The following THADA variants were observed in gnomAD, a reference collection of about 807,000 sequenced individuals.
THADA encodes the protein tRNA (32-2'-O)-methyltransferase regulator THADA.
A neutral mutation model predicts 219.8 loss-of-function variants in THADA; 213 were observed. That is an observed-to-expected ratio of 0.97 (90% CI 0.87 to 1.09). The LOEUF is 1.09. Ranked by LOEUF, THADA falls within the 50% of genes least tolerant of loss-of-function variation. The pLI is 0.00. For synonymous variants in THADA, 1,018 were observed against 828.9 expected (o/e 1.23, Z -3.92); for missense variants, 2,956 against 2,311.3 (o/e 1.28, Z -5.72).
intron 29 of THADA, among the ~76,000 whole-genome samples, chr2:43,354,322 T>C (rs922539527): frequency 2.6e-5 from 4 of 152,114 alleles, no homozygotes; most frequent in South Asian, 2.1e-4. Context: ...TATTTTGATA[T>C]AGGCATACGA....
At chr2:43,564,075 CCA>C (rs1179039659) in intron 15 of THADA, 1 of 152,132 alleles carries the variant, frequency 6.6e-6, no homozygotes, top group Non-Finnish European at 1.5e-5. Context: ...GTTTTATTTC[CCA>C]CACACTTAGA....
chr2:43,415,960 G>C (rs955609572), intron 28 of THADA, among the ~76,000 whole-genome samples: 1 of 151,846 alleles, frequency 6.6e-6, no homozygotes, highest in Non-Finnish European at 1.5e-5. Context: ...AAATCACACA[G>C]AAAAAAGGGT....
At chr2:43,315,127 CA>C (rs554480636) in intron 31 of THADA, among the ~76,000 whole-genome samples, 24 of 152,208 alleles carry the variant, frequency 1.6e-4, no homozygotes, top group African/African-American at 5.5e-4. Context: ...CTCCTCCATC[CA>C]AAAAAGTTTC....
intron 29 of THADA, among the ~76,000 whole-genome samples, chr2:43,370,529 T>C (rs1455082576): frequency 6.6e-6 from 1 of 152,216 alleles, no homozygotes. Context: ...ATAAAGATCA[T>C]TCTAGATTAA....
At chr2:43,280,503 G>A (rs1673216322) in intron 35 of THADA, among the ~76,000 whole-genome samples, 1 of 152,076 alleles carries the variant, frequency 6.6e-6, no homozygotes, top group Admixed American at 6.6e-5. Context: ...GTGGTGACGG[G>A]CGCCTGTATT....
chr2:43,592,866 A>G (rs920974551), intron 1 of THADA: 3 of 152,692 alleles, frequency 2.0e-5, no homozygotes, highest in Admixed American at 6.5e-5. Flanking sequence ...TTAGACTAAG[A>G]GGAGGTACTA....
chr2:43,328,604 G>C (rs772343245), intron 30 of THADA, among the ~76,000 whole-genome samples: 12 of 152,246 alleles, frequency 7.9e-5, no homozygotes, highest in Non-Finnish European at 1.2e-4. Context: ...TGTCCAGAAA[G>C]TGACTGAAGG....
chr2:43,539,297 GC>G (rs1305593226), intron 21 of THADA, among the ~76,000 whole-genome samples: 1 of 152,186 alleles, frequency 6.6e-6, no homozygotes, highest in Non-Finnish European at 1.5e-5. Context: ...CTCAGGTGTG[GC>G]CCAGCCATTC....
intron 21 of THADA, among the ~76,000 whole-genome samples, chr2:43,532,894 A>G (rs1356247936): frequency 6.6e-6 from 1 of 152,194 alleles, no homozygotes; most frequent in African/African-American, 2.4e-5. Context: ...ACTGACAAGT[A>G]GGATCTAATT....
At chr2:43,513,559 G>C (rs141620038) in intron 22 of THADA, among the ~76,000 whole-genome samples, 2 of 152,126 alleles carry the variant, frequency 1.3e-5, no homozygotes. Context: ...AGGGCACAGG[G>C]GGCCTCTGAA....
intron 28 of THADA, among the ~76,000 whole-genome samples, chr2:43,402,068 C>T (rs1211208813): frequency 2.6e-5 from 4 of 152,090 alleles, no homozygotes; most frequent in South Asian, 4.1e-4. Context: ...GTTTCAGGTT[C>T]GTGACACACA....
intron 22 of THADA, among the ~76,000 whole-genome samples, chr2:43,524,383 T>C (rs941263635): frequency 2.0e-5 from 3 of 152,248 alleles, no homozygotes; most frequent in Admixed American, 6.5e-5. Context: ...ATGTGGGTCA[T>C]GTTTAACTCT....
intron 21 of THADA, among the ~76,000 whole-genome samples, chr2:43,531,487 G>C (rs531477601): frequency 2.0e-5 from 3 of 152,170 alleles, no homozygotes; most frequent in Non-Finnish European, 2.9e-5. Flanking sequence ...AGGAAGAGAA[G>C]AATCCGATTA....
chr2:43,579,115 C>A (rs530821272), intron 8 of THADA, among the ~76,000 whole-genome samples: 1 of 152,354 alleles, frequency 6.6e-6, no homozygotes, highest in East Asian at 1.9e-4. Flanking sequence ...CAGGCATGAG[C>A]CACTGTGCCC....
At chr2:43,533,107 G>A (rs1389167131) in intron 21 of THADA, among the ~76,000 whole-genome samples, 1 of 152,166 alleles carries the variant, frequency 6.6e-6, no homozygotes, top group Non-Finnish European at 1.5e-5. Context: ...CTCAAAAGAA[G>A]ATATTTATGC....
intron 31 of THADA, among the ~76,000 whole-genome samples, chr2:43,316,946 A>T (rs1284501176): frequency 1.3e-5 from 2 of 152,226 alleles, no homozygotes; most frequent in African/African-American, 2.4e-5. Flanking sequence ...AATATTAATA[A>T]TAGTTAATAT....
At chr2:43,522,286 C>G (rs1055633849) in intron 22 of THADA, among the ~76,000 whole-genome samples, 3 of 152,182 alleles carry the variant, frequency 2.0e-5, no homozygotes, top group African/African-American at 7.2e-5. Context: ...TCAAGAGAAG[C>G]CATCTTAACC....
At chr2:43,478,803 T>A (rs1260318584) in intron 26 of THADA, among the ~76,000 whole-genome samples, 1 of 152,212 alleles carries the variant, frequency 6.6e-6, no homozygotes, top group Non-Finnish European at 1.5e-5. Flanking sequence ...TTTGAAGAAC[T>A]TCTTTTCAGT....
chr2:43,288,391 C>T (rs1472315025), intron 34 of THADA, among the ~76,000 whole-genome samples: 2 of 152,248 alleles, frequency 1.3e-5, no homozygotes, highest in Non-Finnish European at 2.9e-5. Context: ...GCACTCCAGC[C>T]TGGGAGACAG....
Sources: gnomAD v4.1 joint callset for allele counts (sites outside exome capture counted in the v4.1 genomes callset) on GRCh38, gnomAD v4.1.1 for gene constraint, MANE v1.5 for transcripts, NCBI Gene and HGNC (gene_info 2026-07-23, HGNC 2026-07-21) for gene names.